The following GFOD1 variants were observed in gnomAD, a reference collection of about 807,000 sequenced individuals.
GFOD1 encodes the protein Gfo/Idh/MocA-like oxidoreductase domain containing 1, also known as glucose-fructose oxidoreductase domain-containing protein 1.
GFOD1 carries 9 observed loss-of-function variants against 25.4 expected under a neutral mutation model. That is an observed-to-expected ratio of 0.35 (90% CI 0.21 to 0.62). GFOD1 has a LOEUF of 0.62. GFOD1 is among the 20% of genes least tolerant of loss of function. GFOD1 has a pLI of 0.72. For missense variants in GFOD1, 403 were observed against 556.9 expected, an observed-to-expected ratio of 0.72 and a Z score of 2.78; for synonymous variants, 253 against 245.6, an observed-to-expected ratio of 1.03 and a Z score of -0.28.
chr6:13,475,936 C>T (rs1198936175), intron 1 of GFOD1, among the ~76,000 whole-genome samples: 4 of 151,914 alleles, frequency 2.6e-5, no homozygotes, highest in African/African-American at 9.7e-5. Context: ...AAAAGACTGA[C>T]AATACCAAGT....
chr6:13,363,314 A>C lies in GFOD1; in HGVS notation c.*1429T>G, dbSNP rs559985734. 23 of 152,220 alleles carry C rather than the reference A, an allele frequency of 1.5e-4. No individual in the cohort carries two copies. Among genetic ancestry groups the C allele is most frequent in the Admixed American group, 1.4e-3 (22 of 15,288 alleles). 9.4% of individuals were successfully genotyped at this position (152,220 alleles called of 1,614,324 possible). A position where few individuals can be genotyped will look rare whatever the true frequency, so the allele number is the denominator to read the frequency against. ...AGCCTGCAGTTCAGCATCTCTAACA[A>C]AACTCTGTAAGCAGAGTGTGCAAGG... On this transcript the variant is annotated 3_prime_UTR_variant, in exon 2 of 2. Transcript: ENST00000379287.
At chr6:13,407,978 C>T (rs927543110) in intron 1 of GFOD1, 1 of 985,432 alleles carries the variant, frequency 1.0e-6, no homozygotes, top group Non-Finnish European at 1.2e-6. Flanking sequence ...CTTCTTGGGT[C>T]AGCACCCAAA....
At chr6:13,422,195 C>T (rs1302187208) in intron 1 of GFOD1, among the ~76,000 whole-genome samples, 1 of 152,158 alleles carries the variant, frequency 6.6e-6, no homozygotes, top group African/African-American at 2.4e-5. Context: ...CCATTCAATA[C>T]TTAGGTTCTG....
chr6:13,384,945 T>A (rs764428157), intron 1 of GFOD1, among the ~76,000 whole-genome samples: 4 of 152,198 alleles, frequency 2.6e-5, no homozygotes, highest in Non-Finnish European at 5.9e-5. Context: ...TTTCATCTAT[T>A]TAGATGGTTG....
At chr6:13,482,899 TTA>T (rs889508410) in intron 1 of GFOD1, among the ~76,000 whole-genome samples, 3 of 151,342 alleles carry the variant, frequency 2.0e-5, no homozygotes, top group Admixed American at 6.6e-5. Flanking sequence ...TGCATATATT[TTA>T]TGTTATATAT....
At chr6:13,425,459 T>C (rs1177750497) in intron 1 of GFOD1, among the ~76,000 whole-genome samples, 1 of 152,174 alleles carries the variant, frequency 6.6e-6, no homozygotes, top group Non-Finnish European at 1.5e-5. Flanking sequence ...GGGGCTGATG[T>C]TCCCCAGGCC....
At chr6:13,401,590 T>A (rs907920445) in intron 1 of GFOD1, among the ~76,000 whole-genome samples, 5 of 152,082 alleles carry the variant, frequency 3.3e-5, no homozygotes, top group African/African-American at 4.8e-5. Flanking sequence ...TACAACAGTA[T>A]CAAACAGAAT....
At position 13,430,268 on chromosome 6, in the gene GFOD1, C is replaced by G. The variant is rs985153110; in HGVS notation, c.253+56370G>C. ...CCTGGCCAATGTGGCGAAACCCCCT[C>G]TCTACTAAAAATACAAAAATTAGCC... On this transcript the variant is annotated intron_variant, in intron 1 of 1. Coordinates refer to ENST00000379287, the MANE Select transcript of GFOD1 (RefSeq NM_018988.4). The surrounding 1 kb of genome is among the most constrained non-coding windows in gnomAD (Gnocchi z 4.1). 6.6e-6 allele frequency among the ~76,000 whole-genome samples: 1 copy of G among 152,194 alleles called. No homozygotes were observed. The highest frequency in any genetic ancestry group is 6.5e-5 in the Admixed American group (1 of 15,270).
At chr6:13,474,052 A>G (rs1171088591) in intron 1 of GFOD1, among the ~76,000 whole-genome samples, 1 of 152,178 alleles carries the variant, frequency 6.6e-6, no homozygotes, top group Non-Finnish European at 1.5e-5. Context: ...TCTCATTCAA[A>G]CACACAAAAC....
intron 1 of GFOD1, among the ~76,000 whole-genome samples, chr6:13,402,180 A>C (rs552169728): frequency 6.6e-6 from 1 of 152,308 alleles, no homozygotes; most frequent in Non-Finnish European, 1.5e-5. Context: ...CACATGCAAA[A>C]ATTTACTCAA....
At chr6:13,403,022 C>T (rs537505483) in intron 1 of GFOD1, among the ~76,000 whole-genome samples, 16 of 151,194 alleles carry the variant, frequency 1.1e-4, no homozygotes, top group Non-Finnish European at 1.8e-4. Context: ...CATCATTAGG[C>T]GATTTTGCTG....
rs371891921 is a variant in GFOD1 at position 13,365,292 on chromosome 6, G to A, written c.624C>T (p.His208=). ...TGGTGATCTGTCGGATGCCCTTGAT[G>A]TGGTCAGTCTGCTTCACGAAGGTCT... The part of the protein sequence containing the change: ...LLKTFVKQTD[H]IKGIRQITSD... The change falls in exon 2 of 2, where the codon CAC becomes CAT. Residue 208 remains histidine, a synonymous_variant. Transcript: ENST00000379287. The surrounding 1 kb of genome is among the most constrained non-coding windows in gnomAD (Gnocchi z 9.2). The A allele has an allele frequency of 5.0e-6, 8 of 1,614,096 alleles. No homozygotes were observed. The African/African-American group carries it at 6.7e-5, about 13-fold the overall frequency.
chr6:13,374,025 T>C (rs1221375925), intron 1 of GFOD1, among the ~76,000 whole-genome samples: 2 of 152,154 alleles, frequency 1.3e-5, no homozygotes, highest in African/African-American at 4.8e-5. Flanking sequence ...GCAACAACAG[T>C]CATTTATTGA....
At position 13,430,161 on chromosome 6, in the gene GFOD1, G is replaced by A. The variant is rs1406269129; in HGVS notation, c.253+56477C>T. Among the ~76,000 whole-genome samples the A allele has an allele frequency of 6.6e-6, 1 of 152,210 alleles. No individual in the cohort carries two copies. The highest frequency in any genetic ancestry group is 1.5e-5 in the Non-Finnish European group (1 of 68,044). On this transcript the variant is annotated intron_variant, in intron 1 of 1. Transcript: ENST00000379287. This position sits in a 1 kb window ranked among gnomAD's most constrained non-coding sequence, Gnocchi z 4.1. ...TGCTTTTAAAATCCAGCCAGGCCGGGAGCAGTCGCTCATGCCTGTAACCCC... is the reference window on the plus strand; with the variant it reads ...TGCTTTTAAAATCCAGCCAGGCCGGAAGCAGTCGCTCATGCCTGTAACCCC...
chr6:13,461,816 A>G (rs763632101), intron 1 of GFOD1, among the ~76,000 whole-genome samples: 1 of 152,192 alleles, frequency 6.6e-6, no homozygotes, highest in Non-Finnish European at 1.5e-5. Flanking sequence ...GCCTCTACCA[A>G]GAGAGCTGGA....
chr6:13,469,314 T>C (rs1389597036), intron 1 of GFOD1: 5 of 983,638 alleles, frequency 5.1e-6, no homozygotes, highest in Non-Finnish European at 6.0e-6. Context: ...TTTAGCCTCT[T>C]CAAAAATAAG....
rs567594703 is a variant in GFOD1, at chr6:13,374,273, TTG to T, written c.254-8613_254-8612del. Reference sequence around the variant, plus strand: ...GTCTTTTTAAAAATATGTTTTTTTTTTGTGTGTGTGTGTGTGTGTGTGTGTGT... The same window carrying T: ...GTCTTTTTAAAAATATGTTTTTTTTTTGTGTGTGTGTGTGTGTGTGTGTGT... On this transcript the variant is annotated intron_variant, in intron 1 of 1. Coordinates refer to ENST00000379287, the MANE Select transcript of GFOD1 (RefSeq NM_018988.4). Among the ~76,000 whole-genome samples the T allele has an allele frequency of 1.0e-2, 1,342 of 134,374 alleles. 14 individuals are homozygous for T. Among genetic ancestry groups the T allele is most frequent in the Non-Finnish European group, 0.014 (887 of 64,632 alleles). The allele number at this position is 134,374 out of a possible 152,430, so 88.2% of individuals were successfully genotyped here. A position where few individuals can be genotyped will look rare whatever the true frequency, so the allele number is the denominator to read the frequency against.
intron 1 of GFOD1, among the ~76,000 whole-genome samples, chr6:13,418,135 C>T (rs544490704): frequency 6.6e-6 from 1 of 152,214 alleles, no homozygotes; most frequent in Non-Finnish European, 1.5e-5. Context: ...GGCCTCAGCC[C>T]CAGACCTGGA....
At chr6:13,478,644 A>G (rs1179612612) in intron 1 of GFOD1, among the ~76,000 whole-genome samples, 1 of 152,188 alleles carries the variant, frequency 6.6e-6, no homozygotes, top group Admixed American at 6.5e-5. Context: ...TCTGGTACAA[A>G]CAGAGACAGC....
Sources: allele counts gnomAD v4.1 joint callset (sites outside exome capture counted in the v4.1 genomes callset), GRCh38; gene constraint gnomAD v4.1.1; non-coding constraint Gnocchi (gnomAD v3.1); transcripts MANE v1.5; gene names NCBI Gene and HGNC (gene_info 2026-07-23, HGNC 2026-07-21).